Variants in PCDH11Y observed in about 807,000 individuals in gnomAD.
PCDH11Y encodes protocadherin-11 Y-linked.
For missense variants in PCDH11Y, 12 were observed against 224.8 expected, an observed-to-expected ratio of 0.05 and a Z score of 6.05; for synonymous variants, 9 against 83.6, an observed-to-expected ratio of 0.11 and a Z score of 4.87.
At chrY:5,328,187 A>G in intron 2 of PCDH11Y, among the ~76,000 whole-genome samples, 2 of 33,466 alleles carry the variant, frequency 6.0e-5, no homozygotes, top group Non-Finnish European at 1.5e-4. Context: ...GTGGCTTAGG[A>G]GGAATCCTGG....
chrY:5,024,545 A>G (rs2124620384), intron 1 of PCDH11Y, among the ~76,000 whole-genome samples: 9 of 33,636 alleles, frequency 2.7e-4, no homozygotes, highest in Admixed American at 5.5e-4. Context: ...AATTAAATGT[A>G]GCATCAAGTA....
intron 4 of PCDH11Y, among the ~76,000 whole-genome samples, chrY:5,619,260 A>C: frequency 3.0e-5 from 1 of 32,959 alleles, no homozygotes. Context: ...AACTTTTCTT[A>C]AAATTGATAC....
At chrY:5,620,775 A>C in intron 4 of PCDH11Y, among the ~76,000 whole-genome samples, 1 of 33,638 alleles carries the variant, frequency 3.0e-5, no homozygotes, top group Non-Finnish European at 7.4e-5. Context: ...AATGTAATTC[A>C]TCACATAAAC....
intron 4 of PCDH11Y, among the ~76,000 whole-genome samples, chrY:5,604,736 G>T (rs2053477476): frequency 3.1e-5 from 1 of 32,240 alleles, no homozygotes; most frequent in Admixed American, 2.9e-4. Context: ...TAGTAAGAGC[G>T]CTTAAAATCT....
intron 4 of PCDH11Y, among the ~76,000 whole-genome samples, chrY:5,663,976 G>A: frequency 3.3e-5 from 1 of 30,569 alleles, no homozygotes; most frequent in South Asian, 7.6e-4. Context: ...AAGCTTTCAT[G>A]AAGAAATGTC....
At chrY:5,187,968 T>A (rs2052907979) in intron 2 of PCDH11Y, among the ~76,000 whole-genome samples, 3 of 33,877 alleles carry the variant, frequency 8.9e-5, no homozygotes, top group Admixed American at 8.1e-4. Flanking sequence ...AATGATTTAC[T>A]ACTTACAGAT....
At chrY:5,194,403 C>A (rs2052916235) in intron 2 of PCDH11Y, among the ~76,000 whole-genome samples, 5 of 20,740 alleles carry the variant, frequency 2.4e-4, no homozygotes, top group African/African-American at 1.0e-3. Flanking sequence ...CACTGCACTG[C>A]AACCTGGGTG....
chrY:5,732,950 G>T, intron 4 of PCDH11Y, among the ~76,000 whole-genome samples: 1 of 33,561 alleles, frequency 3.0e-5, no homozygotes, highest in African/African-American at 1.2e-4. Context: ...TATTGATAAA[G>T]CTTTCAATTG....
chrY:5,537,266 T>G, intron 3 of PCDH11Y, among the ~76,000 whole-genome samples: 1 of 30,417 alleles, frequency 3.3e-5, no homozygotes, highest in African/African-American at 1.3e-4. Flanking sequence ...AATGTTTTTT[T>G]TTTTTTTTTT....
intron 4 of PCDH11Y, among the ~76,000 whole-genome samples, chrY:5,690,392 G>A: frequency 3.1e-5 from 1 of 32,136 alleles, no homozygotes; most frequent in Non-Finnish European, 7.6e-5. Flanking sequence ...TTTTTTCTGG[G>A]AAGAGCTTGA....
At chrY:5,135,787 A>G (rs2124641601) in intron 2 of PCDH11Y, among the ~76,000 whole-genome samples, 1 of 33,286 alleles carries the variant, frequency 3.0e-5, no homozygotes, top group Non-Finnish European at 7.4e-5. Flanking sequence ...TAGCAGGACC[A>G]TCTTAGAGTA....
downstream of PCDH11Y, chrY:5,105,009 G>A (rs2052785651): frequency 1.2e-5 from 2 of 167,874 alleles, no homozygotes; most frequent in Non-Finnish European, 1.5e-5. Flanking sequence ...TTGGGAGGCC[G>A]AGGCGGGTGG....
intron 1 of PCDH11Y, among the ~76,000 whole-genome samples, chrY:5,014,506 A>AG (rs2052558007): frequency 6.1e-5 from 2 of 32,905 alleles, no homozygotes; most frequent in Non-Finnish European, 1.5e-4. Context: ...ATAGTGGACT[A>AG]GGAAATAAGG....
At chrY:5,521,802 G>T in intron 3 of PCDH11Y, among the ~76,000 whole-genome samples, 1 of 33,203 alleles carries the variant, frequency 3.0e-5, no homozygotes, top group Non-Finnish European at 7.4e-5. Flanking sequence ...TGGAATGCGT[G>T]TAATAAAGTG....
intron 4 of PCDH11Y, among the ~76,000 whole-genome samples, chrY:5,667,395 TTTTG>T (rs1259167014): frequency 3.3e-5 from 1 of 30,224 alleles, no homozygotes; most frequent in Non-Finnish European, 7.9e-5. Context: ...CTTTTCTAAG[TTTTG>T]TTTGTTTGTT....
At chrY:5,680,970 G>T (rs2053557909) in intron 4 of PCDH11Y, among the ~76,000 whole-genome samples, 1 of 32,367 alleles carries the variant, frequency 3.1e-5, no homozygotes. Context: ...CCTATCAAAA[G>T]ATATCAGCAT....
rs2053320447 is a variant in PCDH11Y at position 5,477,309 on chromosome Y, C to T, written c.3130-23748C>T. Among the ~76,000 whole-genome samples, 3 of 31,743 alleles carry T rather than the reference C, an allele frequency of 9.5e-5. No homozygotes were observed. The South Asian group carries it at 2.2e-3, about 23-fold the overall frequency. The allele number at this position is 31,743 out of a possible 37,273, so 85.2% of individuals were successfully genotyped here. A position where few individuals can be genotyped will look rare whatever the true frequency, so the allele number is the denominator to read the frequency against. On this transcript the variant is annotated intron_variant, in intron 2 of 4. Coordinates refer to the PCDH11Y transcript ENST00000400457. ...TTGGTTCTGTTTATGTGATGGATTACATTTATTGATTTGCATATGTTGAAC... is the reference window on the plus strand; with the variant it reads ...TTGGTTCTGTTTATGTGATGGATTATATTTATTGATTTGCATATGTTGAAC...
intron 2 of PCDH11Y, among the ~76,000 whole-genome samples, chrY:5,363,358 A>G (rs2053176480): frequency 6.0e-5 from 2 of 33,180 alleles, no homozygotes; most frequent in Admixed American, 5.8e-4. Context: ...TTAGTTTCAT[A>G]TTATTCTACT....
At chrY:5,246,283 A>T in intron 2 of PCDH11Y, among the ~76,000 whole-genome samples, 1 of 28,448 alleles carries the variant, frequency 3.5e-5, no homozygotes, top group Admixed American at 3.3e-4. Flanking sequence ...TAATCATTAG[A>T]TTCTCCAAGG....
Sources: gnomAD v4.1 joint callset for allele counts (sites outside exome capture counted in the v4.1 genomes callset) on GRCh38, gnomAD v4.1.1 for gene constraint, MANE v1.5 for transcripts, NCBI Gene and HGNC (gene_info 2026-07-23, HGNC 2026-07-21) for gene names.